Variants in NAALADL2 observed in about 807,000 individuals in gnomAD.
The protein encoded by NAALADL2 is N-acetylated alpha-linked acidic dipeptidase like 2, also known as inactive N-acetylated-alpha-linked acidic dipeptidase-like protein 2.
A neutral mutation model predicts 87.2 loss-of-function variants in NAALADL2; 76 were observed. That is an observed-to-expected ratio of 0.87 (90% confidence interval 0.72 to 1.05). The LOEUF is 1.05. NAALADL2 is among the 50% of genes least tolerant of loss of function. The pLI, the probability that NAALADL2 is intolerant of heterozygous loss-of-function variation, is 0.00. For synonymous variants in NAALADL2, 354 were observed against 331.0 expected (o/e 1.07, Z -0.75); for missense variants, 1,089 against 945.8 (o/e 1.15, Z -1.99).
chr3:174,594,268 T>C (rs1420377755), intron 2 of NAALADL2, among the ~76,000 whole-genome samples: 2 of 152,142 alleles, frequency 1.3e-5, no homozygotes, highest in Non-Finnish European at 2.9e-5. Context: ...GGTGAAGTGG[T>C]TGGAACATGG....
intron 5 of NAALADL2, among the ~76,000 whole-genome samples, chr3:175,445,624 C>G (rs189229834): frequency 3.9e-5 from 6 of 151,926 alleles, no homozygotes; most frequent in African/African-American, 1.5e-4. Context: ...TCTCCTTTTT[C>G]CTAAAAAGGA....
chr3:175,679,308 A>G (rs1735276537), intron 11 of NAALADL2, among the ~76,000 whole-genome samples: 1 of 151,994 alleles, frequency 6.6e-6, no homozygotes, highest in Admixed American at 6.5e-5. Context: ...ATGTTATGCT[A>G]AATGTCTGTT....
chr3:174,547,241 G>T (rs943297755), intron 1 of NAALADL2, among the ~76,000 whole-genome samples: 8 of 152,134 alleles, frequency 5.3e-5, no homozygotes, highest in Non-Finnish European at 1.0e-4. Context: ...GGCATTCACT[G>T]TCACATAAAT....
chr3:174,776,882 C>T (rs970015558), intron 3 of NAALADL2, among the ~76,000 whole-genome samples: 4 of 152,086 alleles, frequency 2.6e-5, no homozygotes, highest in Admixed American at 6.6e-5. Flanking sequence ...AATTCAGTTC[C>T]GAGTGCACAG....
intron 10 of NAALADL2, among the ~76,000 whole-genome samples, chr3:175,586,560 C>G (rs558462559): frequency 1.3e-5 from 2 of 152,240 alleles, no homozygotes; most frequent in Non-Finnish European, 2.9e-5. Flanking sequence ...GTCTAATATT[C>G]TGTTACAAGT....
intron 1 of NAALADL2, among the ~76,000 whole-genome samples, chr3:174,937,045 AG>A (rs1382062095): frequency 1.3e-5 from 2 of 152,132 alleles, no homozygotes; most frequent in Non-Finnish European, 1.5e-5. Flanking sequence ...GATAAGATTC[AG>A]ATTTTTAAAA....
chr3:174,498,546 C>T (rs1006862947), intron 1 of NAALADL2, among the ~76,000 whole-genome samples: 3 of 150,898 alleles, frequency 2.0e-5, no homozygotes, highest in African/African-American at 7.3e-5. Flanking sequence ...TTTTATTTCT[C>T]TTGAGAAAAT....
intron 2 of NAALADL2, among the ~76,000 whole-genome samples, chr3:175,113,571 G>A (rs1193316567): frequency 6.6e-6 from 1 of 151,456 alleles, no homozygotes; most frequent in Non-Finnish European, 1.5e-5. Flanking sequence ...ATAGTTGCAG[G>A]AGACATGAGA....
chr3:174,891,944 C>G (rs2109795648), intron 1 of NAALADL2, among the ~76,000 whole-genome samples: 1 of 152,110 alleles, frequency 6.6e-6, no homozygotes, highest in South Asian at 2.1e-4. Context: ...GGACTTTGTC[C>G]TGCATCTTGG....
chr3:175,059,740 A>G (rs1713036336), intron 1 of NAALADL2: 2 of 299,824 alleles, frequency 6.7e-6, no homozygotes, highest in Non-Finnish European at 1.3e-5. Flanking sequence ...TGTCATCATC[A>G]TCTTTACTAT....
chr3:175,505,667 C>G (rs1730209072), intron 9 of NAALADL2, among the ~76,000 whole-genome samples: 1 of 151,948 alleles, frequency 6.6e-6, no homozygotes, highest in South Asian at 2.1e-4. Flanking sequence ...ATAATGAAAG[C>G]AAGGGCCTGG....
At chr3:174,936,848 G>C (rs1397583174) in intron 1 of NAALADL2, among the ~76,000 whole-genome samples, 1 of 152,144 alleles carries the variant, frequency 6.6e-6, no homozygotes, top group Non-Finnish European at 1.5e-5. Context: ...GAGAGAAAGA[G>C]AGTTTGCAGA....
chr3:174,827,347 G>A (rs1308481546), intron 3 of NAALADL2, among the ~76,000 whole-genome samples: 1 of 152,168 alleles, frequency 6.6e-6, no homozygotes, highest in Non-Finnish European at 1.5e-5. Flanking sequence ...TAAGGTCTAG[G>A]TGTTGTTGGC....
upstream of NAALADL2, among the ~76,000 whole-genome samples, chr3:174,856,361 C>A (rs1390515317): frequency 1.3e-5 from 2 of 152,074 alleles, no homozygotes; most frequent in African/African-American, 4.8e-5. Context: ...TTCCTTTCCA[C>A]AATTTGTTAT....
intron 9 of NAALADL2, among the ~76,000 whole-genome samples, chr3:175,493,768 A>G (rs1285690638): frequency 1.3e-5 from 2 of 152,140 alleles, no homozygotes; most frequent in African/African-American, 2.4e-5. Context: ...AAGTATTGTC[A>G]TTATGTTGTT....
intron 2 of NAALADL2, among the ~76,000 whole-genome samples, chr3:175,174,468 C>A (rs887819775): frequency 2.0e-5 from 3 of 151,642 alleles, no homozygotes; most frequent in Non-Finnish European, 4.4e-5. Flanking sequence ...TTTCATATTG[C>A]CCTCAGTATT....
At chr3:175,707,605 A>G (rs9852669) in intron 11 of NAALADL2, among the ~76,000 whole-genome samples, 4,164 of 152,218 alleles carry the variant, frequency 0.027, 207 homozygotes, top group African/African-American at 0.095. Context: ...AAACTTTGGC[A>G]ATTTTCTTGA....
intron 6 of NAALADL2, 139 bp downstream of exon 6, chr3:175,447,511 T>C: frequency 1.8e-6 from 1 of 541,570 alleles, no homozygotes; most frequent in East Asian, 3.4e-5. Flanking sequence ...TATTTTCTTC[T>C]GTGGCTCTTT....
chr3:175,323,558 C>G (rs1028351289), intron 4 of NAALADL2, among the ~76,000 whole-genome samples: 1 of 151,556 alleles, frequency 6.6e-6, no homozygotes, highest in Non-Finnish European at 1.5e-5. Flanking sequence ...AAGTTAAAAT[C>G]CACTTAGTTA....
Sources: gnomAD v4.1 joint callset for allele counts (sites outside exome capture counted in the v4.1 genomes callset) on GRCh38, gnomAD v4.1.1 for gene constraint, MANE v1.5 for transcripts, NCBI Gene and HGNC (gene_info 2026-07-23, HGNC 2026-07-21) for gene names.